The following CSMD1 variants were observed in gnomAD, a reference collection of about 807,000 sequenced individuals.
CSMD1 encodes the protein CUB and Sushi multiple domains 1.
A neutral mutation model predicts 417.5 loss-of-function variants in CSMD1; 213 were observed. That is an observed-to-expected ratio of 0.51 (90% CI 0.46 to 0.57). CSMD1 has a LOEUF of 0.57. Among genes scored for constraint, CSMD1 ranks in the 20% least tolerant of loss-of-function variants. The probability of loss-of-function intolerance (pLI) is 0.00; values close to 1 mark genes in which losing one functional copy is unlikely to be tolerated. For missense variants in CSMD1, 6,923 were observed against 4,529.7 expected (o/e 1.53, Z -15.17); for synonymous variants, 2,862 against 1,736.8 (o/e 1.65, Z -16.11).
intron 12 of CSMD1, 100 bp from the exon 13 acceptor site, chr8:3,409,705 A>G: frequency 2.3e-6 from 2 of 869,910 alleles, no homozygotes; most frequent in Non-Finnish European, 3.4e-6. Context: ...TTTTTGCTGA[A>G]CTAAACATCA....
Position 3,586,175 on chromosome 8 carries a change from T to C in CSMD1, c.1183A>G (p.Thr395Ala). ...KSITCQRVTE[T>A]LAAWSDHRPI... ...CTGTGGTCACTCCAAGCAGCGAGCG[T>C]CTCTGTAACTCTCTGACAGGTGATG... The change falls in exon 9 of 70, where the codon ACG (threonine) becomes GCG (alanine). Residue 395 changes from threonine (T) to alanine (A), a missense_variant. Transcript: ENST00000635120. 2 of 1,612,520 alleles carry C rather than the reference T, an allele frequency of 1.2e-6. No homozygotes were observed. The highest frequency in any genetic ancestry group is 1.7e-6 in the Non-Finnish European group (2 of 1,179,354).
intron 7 of CSMD1, among the ~76,000 whole-genome samples, chr8:3,699,151 C>T (rs1018392143): frequency 6.6e-6 from 1 of 152,352 alleles, no homozygotes; most frequent in African/African-American, 2.4e-5. Flanking sequence ...TGAACTCCTT[C>T]AGCAGTGGGA....
intron 11 of CSMD1, among the ~76,000 whole-genome samples, chr8:3,469,757 C>T (rs1816979802): frequency 6.6e-6 from 1 of 152,150 alleles, no homozygotes; most frequent in Admixed American, 6.6e-5. Flanking sequence ...CAGTACAGAG[C>T]ACCGGATTCT....
At chr8:3,041,061 A>C (rs902682751) in intron 50 of CSMD1, among the ~76,000 whole-genome samples, 2 of 152,192 alleles carry the variant, frequency 1.3e-5, no homozygotes, top group Non-Finnish European at 2.9e-5. Flanking sequence ...CTGTACAAGA[A>C]ATAATAATTT....
intron 3 of CSMD1, among the ~76,000 whole-genome samples, chr8:4,110,762 T>A (rs1226977862): frequency 1.3e-5 from 2 of 152,146 alleles, no homozygotes; most frequent in African/African-American, 4.8e-5. Context: ...GAACTCAGAT[T>A]ACAGACATTC....
intron 2 of CSMD1, among the ~76,000 whole-genome samples, chr8:4,516,599 C>G (rs1043895585): frequency 6.6e-6 from 1 of 152,104 alleles, no homozygotes; most frequent in Admixed American, 6.5e-5. Context: ...TGTATGGGGT[C>G]TCCCTTCTCA....
chr8:3,087,496 C>G (rs1814627534), intron 48 of CSMD1, among the ~76,000 whole-genome samples: 1 of 152,178 alleles, frequency 6.6e-6, no homozygotes, highest in Non-Finnish European at 1.5e-5. Flanking sequence ...ATCTGCAGCT[C>G]TGAGTCAATG....
intron 5 of CSMD1, among the ~76,000 whole-genome samples, chr8:3,832,600 G>C (rs1270970909): frequency 6.6e-6 from 1 of 152,046 alleles, no homozygotes; most frequent in African/African-American, 2.4e-5. Flanking sequence ...AAATAACACA[G>C]CAATGATGGC....
At chr8:4,453,190 G>T (rs1003152588) in intron 2 of CSMD1, among the ~76,000 whole-genome samples, 1 of 142,754 alleles carries the variant, frequency 7.0e-6, no homozygotes, top group Non-Finnish European at 1.5e-5. Context: ...CCAACACACA[G>T]ACACACCCAC....
At chr8:3,863,254 A>T (rs1804839500) in intron 5 of CSMD1, among the ~76,000 whole-genome samples, 1 of 152,042 alleles carries the variant, frequency 6.6e-6, no homozygotes, top group Admixed American at 6.6e-5. Context: ...AAAACTGGCT[A>T]GGTCTGGTGG....
At position 4,583,610 on chromosome 8, in the gene CSMD1, T is replaced by C. The variant is rs536615216; in HGVS notation, c.302+53732A>G. ...TGAGTGCACCAATGGACACTGTATC[T>C]AGCTGCTCTGGTGGGGCCTTGGAGA... On this transcript the variant is annotated intron_variant, in intron 2 of 69. Transcript: ENST00000635120. 1.4e-3 allele frequency among the ~76,000 whole-genome samples: 208 copies of C among 152,304 alleles called. 1 individual carries two copies. The highest frequency in any genetic ancestry group is 5.0e-3 in the African/African-American group (206 of 41,574).
At chr8:3,618,285 A>G (rs1158634136) in intron 7 of CSMD1, among the ~76,000 whole-genome samples, 1 of 152,168 alleles carries the variant, frequency 6.6e-6, no homozygotes, top group African/African-American at 2.4e-5. Context: ...GGTTACAGAC[A>G]TGTGCAACCA....
intron 7 of CSMD1, among the ~76,000 whole-genome samples, chr8:3,654,380 G>A (rs149228854): frequency 1.3e-5 from 2 of 152,256 alleles, no homozygotes; most frequent in African/African-American, 2.4e-5. Context: ...TTTAGACTGC[G>A]TATAAATAGC....
chr8:4,168,692 A>G (rs1466395969), intron 3 of CSMD1, among the ~76,000 whole-genome samples: 6 of 152,114 alleles, frequency 3.9e-5, no homozygotes, highest in Non-Finnish European at 7.3e-5. Context: ...TGCTGTTATT[A>G]ATTCTTTTTT....
chr8:3,205,804 A>C (rs2116755620), intron 30 of CSMD1, among the ~76,000 whole-genome samples, 184 bp from the exon 31 acceptor site: 1 of 152,338 alleles, frequency 6.6e-6, no homozygotes, highest in Non-Finnish European at 1.5e-5. Context: ...CCAGGGAAGA[A>C]GTAATCCAAC....
intron 4 of CSMD1, among the ~76,000 whole-genome samples, chr8:4,004,860 T>G (rs1172495413): frequency 3.3e-5 from 5 of 152,158 alleles, no homozygotes; most frequent in Non-Finnish European, 1.5e-5. Context: ...TTCTCCTGCC[T>G]CAGCCTCCCG....
At position 4,810,095 on chromosome 8, in the gene CSMD1, T is replaced by C. The variant is rs60029595; in HGVS notation, c.86-172537A>G. Among the ~76,000 whole-genome samples, 875 of 152,314 alleles carry C rather than the reference T, an allele frequency of 5.7e-3. 7 individuals carry two copies. Among genetic ancestry groups the C allele is most frequent in the African/African-American group, 0.019 (799 of 41,560 alleles). On this transcript the variant is annotated intron_variant, in intron 1 of 69. Coordinates refer to ENST00000635120, the MANE Select transcript of CSMD1 (RefSeq NM_033225.6). Reference sequence around the variant, plus strand: ...TTAGCTCATTTGGTAACTATTTCCTTAGCCTTTAGAAACACAAAACCTTAG... The same window carrying C: ...TTAGCTCATTTGGTAACTATTTCCTCAGCCTTTAGAAACACAAAACCTTAG...
At chr8:4,572,629 T>G (rs1028786640) in intron 2 of CSMD1, among the ~76,000 whole-genome samples, 2 of 152,146 alleles carry the variant, frequency 1.3e-5, no homozygotes, top group Admixed American at 6.5e-5. Context: ...ATCTGAGCGG[T>G]GTTCTCTGTA....
chr8:4,220,364 A>G (rs1800953970), intron 3 of CSMD1, among the ~76,000 whole-genome samples: 1 of 152,146 alleles, frequency 6.6e-6, no homozygotes, highest in Non-Finnish European at 1.5e-5. Context: ...AGAGGACCAC[A>G]CCATGAGGAG....
Sources: gnomAD v4.1 joint callset for allele counts (sites outside exome capture counted in the v4.1 genomes callset) on GRCh38, gnomAD v4.1.1 for gene constraint, MANE v1.5 for transcripts, NCBI Gene and HGNC (gene_info 2026-07-23, HGNC 2026-07-21) for gene names.